Variants in DOCK3 observed in about 807,000 individuals in gnomAD.
The protein encoded by DOCK3 is dedicator of cytokinesis protein 3.
DOCK3 carries 60 observed loss-of-function variants against 265.6 expected under a neutral mutation model. That is an observed-to-expected ratio of 0.23 (90% confidence interval 0.18 to 0.28). DOCK3 has a LOEUF of 0.28. Among genes scored for constraint, DOCK3 ranks in the 10% least tolerant of loss-of-function variants. The pLI is 1.00. For synonymous variants in DOCK3, 881 were observed against 938.0 expected (o/e 0.94, Z 1.11); for missense variants, 1,981 against 2,594.3 (o/e 0.76, Z 5.14).
At chr3:50,906,411 G>T (rs1017453010) in intron 4 of DOCK3, among the ~76,000 whole-genome samples, 1 of 151,810 alleles carries the variant, frequency 6.6e-6, no homozygotes, top group African/African-American at 2.4e-5. Context: ...TTTTGGTTGG[G>T]AGGCTATTAA....
chr3:50,946,281 C>T (rs576123390), intron 5 of DOCK3, among the ~76,000 whole-genome samples: 2 of 152,004 alleles, frequency 1.3e-5, no homozygotes, highest in African/African-American at 4.8e-5. Flanking sequence ...TATACTAGTT[C>T]CCTATCTTAC....
At chr3:50,750,949 T>C (rs1200358067) in intron 1 of DOCK3, among the ~76,000 whole-genome samples, 1 of 152,246 alleles carries the variant, frequency 6.6e-6, no homozygotes, top group Non-Finnish European at 1.5e-5. Flanking sequence ...CAATTTTTTT[T>C]CTTTTTTATT....
intron 3 of DOCK3, among the ~76,000 whole-genome samples, chr3:50,845,746 G>T (rs1018186033): frequency 6.6e-6 from 1 of 152,154 alleles, no homozygotes; most frequent in African/African-American, 2.4e-5. Flanking sequence ...TTACTGTCAA[G>T]AGAATCGCTT....
chr3:51,020,823 T>C (rs9682922), intron 5 of DOCK3, among the ~76,000 whole-genome samples: 136,786 of 151,832 alleles, frequency 0.9, 61,859 homozygotes, highest in African/African-American at 0.95. Flanking sequence ...GTTCCATGGG[T>C]CTATGTGTCT....
chr3:51,269,159 A>T (rs1284043802), intron 23 of DOCK3, among the ~76,000 whole-genome samples: 1 of 147,654 alleles, frequency 6.8e-6, no homozygotes, highest in African/African-American at 2.5e-5. Flanking sequence ...ATTTATTTAT[A>T]CGTATAATAA....
intron 9 of DOCK3, among the ~76,000 whole-genome samples, chr3:51,123,857 C>T (rs1260607021): frequency 1.3e-5 from 2 of 152,136 alleles, no homozygotes; most frequent in African/African-American, 2.4e-5. Context: ...CTCTGAAAAC[C>T]AAATACCAGA....
intron 3 of DOCK3, among the ~76,000 whole-genome samples, chr3:50,849,359 C>T (rs2046246999): frequency 6.6e-6 from 1 of 151,492 alleles, no homozygotes; most frequent in African/African-American, 2.4e-5. Flanking sequence ...TATACACACA[C>T]ACACATACAC....
chr3:50,861,551 G>GCT (rs1203978620), intron 3 of DOCK3, among the ~76,000 whole-genome samples: 1 of 151,996 alleles, frequency 6.6e-6, no homozygotes, highest in Non-Finnish European at 1.5e-5. Flanking sequence ...TTGCTGTATG[G>GCT]CTCTCTGTCT....
intron 5 of DOCK3, among the ~76,000 whole-genome samples, chr3:50,993,362 A>G (rs968387318): frequency 6.6e-6 from 1 of 152,196 alleles, no homozygotes; most frequent in Non-Finnish European, 1.5e-5. Context: ...CCTATTAACT[A>G]TTTGATACTT....
intron 9 of DOCK3, among the ~76,000 whole-genome samples, chr3:51,135,320 T>C (rs935825476): frequency 1.3e-5 from 2 of 152,256 alleles, no homozygotes; most frequent in African/African-American, 4.8e-5. Context: ...TTGCCTGGGC[T>C]GCTACTGTTG....
chr3:51,268,927 C>T (rs2080339135), intron 23 of DOCK3, among the ~76,000 whole-genome samples: 4 of 152,072 alleles, frequency 2.6e-5, no homozygotes, highest in Non-Finnish European at 5.9e-5. Context: ...GCTAGCAAAG[C>T]AATGCAGATA....
chr3:50,742,055 T>G (rs2039075995), intron 1 of DOCK3, among the ~76,000 whole-genome samples: 1 of 152,230 alleles, frequency 6.6e-6, no homozygotes, highest in East Asian at 1.9e-4. Context: ...ATGTGTTTTT[T>G]GGCTGCATAA....
chr3:50,963,591 A>G (rs1184910103), intron 5 of DOCK3, among the ~76,000 whole-genome samples: 3 of 152,244 alleles, frequency 2.0e-5, no homozygotes, highest in African/African-American at 7.2e-5. Flanking sequence ...ATACCCAGAC[A>G]GTATATATAC....
chr3:51,055,692 TGGC>T (rs2081172392), intron 5 of DOCK3, among the ~76,000 whole-genome samples: 1 of 152,198 alleles, frequency 6.6e-6, no homozygotes, highest in Admixed American at 6.5e-5. Flanking sequence ...GCCCTTCACT[TGGC>T]ATCTATCCAT....
At chr3:51,234,555 A>G (rs997713111) in intron 19 of DOCK3, among the ~76,000 whole-genome samples, 1 of 152,252 alleles carries the variant, frequency 6.6e-6, no homozygotes, top group Non-Finnish European at 1.5e-5. Context: ...GGTATATAGC[A>G]TATCAGTTTA....
Position 51,159,308 on chromosome 3 carries a change from C to T in DOCK3, c.889+4C>T. On this transcript the variant is annotated splice_donor_region_variant and intron_variant, in intron 11 of 52. Coordinates refer to ENST00000266037, the MANE Select transcript of DOCK3 (RefSeq NM_004947.5). The stretch of plus-strand genomic sequence containing the variant: ...GTTGCCCATGTGATCCGAATAGGTA[C>T]TGTTCACCTTACCCATTCACATGAC... The T allele has an allele frequency of 3.1e-6, 5 of 1,611,752 alleles. No individual in the cohort carries two copies. The highest frequency in any genetic ancestry group is 4.2e-6 in the Non-Finnish European group (5 of 1,178,450).
intron 2 of DOCK3, among the ~76,000 whole-genome samples, chr3:50,820,093 C>T (rs2044319273): frequency 6.6e-6 from 1 of 152,190 alleles, no homozygotes; most frequent in Non-Finnish European, 1.5e-5. Context: ...AATAATCCAC[C>T]CCTTGTTTAG....
intron 5 of DOCK3, among the ~76,000 whole-genome samples, chr3:51,015,171 A>G (rs2079102605): frequency 6.6e-6 from 1 of 152,100 alleles, no homozygotes; most frequent in South Asian, 2.1e-4. Context: ...TACTATTTTG[A>G]ATAACAGTGG....
At chr3:51,217,561 A>G (rs1260033592) in intron 14 of DOCK3, among the ~76,000 whole-genome samples, 1 of 152,238 alleles carries the variant, frequency 6.6e-6, no homozygotes, top group Non-Finnish European at 1.5e-5. Flanking sequence ...GTTGATCACC[A>G]TATTTCAGTG....
Sources: allele counts gnomAD v4.1 joint callset (sites outside exome capture counted in the v4.1 genomes callset), GRCh38; gene constraint gnomAD v4.1.1; transcripts MANE v1.5; gene names NCBI Gene and HGNC (gene_info 2026-07-23, HGNC 2026-07-21).